The following NR2C1 variants were observed in gnomAD, a reference collection of about 807,000 sequenced individuals.
NR2C1 encodes TR2 nuclear hormone receptor.
NR2C1 carries 33 observed loss-of-function variants against 74.8 expected under a neutral mutation model. The ratio of observed to expected loss-of-function variants is 0.44; its 90% CI spans 0.33 to 0.59. NR2C1 has a LOEUF of 0.59. NR2C1 is among the 20% of genes least tolerant of loss of function. NR2C1 has a pLI of 0.02. For missense variants in NR2C1, 568 were observed against 715.6 expected, an observed-to-expected ratio of 0.79 and a Z score of 2.35; for synonymous variants, 225 against 240.6, an observed-to-expected ratio of 0.94 and a Z score of 0.60.
chr12:95,049,306 G>A, intron 8 of NR2C1, 73 bp from the exon 9 acceptor site: 1 of 1,462,264 alleles, frequency 6.8e-7, no homozygotes, highest in Non-Finnish European at 9.3e-7. Flanking sequence ...ATAGGATTCT[G>A]GAATTAAGAT....
At chr12:95,073,339 C>T (rs1243817582) in intron 1 of NR2C1, 41 bp downstream of exon 1, 1 of 152,286 alleles carries the variant, frequency 6.6e-6, no homozygotes, top group Non-Finnish European at 1.5e-5. Flanking sequence ...TGGCCCCCGC[C>T]CCCGACGCGG....
intron 2 of NR2C1, among the ~76,000 whole-genome samples, chr12:95,066,679 T>C (rs1392592250): frequency 1.3e-5 from 2 of 152,160 alleles, no homozygotes; most frequent in Non-Finnish European, 2.9e-5. Flanking sequence ...CATTATACAC[T>C]GGTCATCCGG....
chr12:95,038,096 G>A (rs1052995183), intron 10 of NR2C1, among the ~76,000 whole-genome samples: 1 of 152,100 alleles, frequency 6.6e-6, no homozygotes, highest in Non-Finnish European at 1.5e-5. Flanking sequence ...GCTAGATCAA[G>A]TTATTCTAAT....
intron 12 of NR2C1, chr12:95,028,173 C>G (rs1344427129): frequency 6.6e-6 from 3 of 454,712 alleles, no homozygotes; most frequent in African/African-American, 2.0e-5. Context: ...TATACACATT[C>G]TTGCATAGAT....
intron 13 of NR2C1, among the ~76,000 whole-genome samples, chr12:95,024,557 G>A (rs1869127726): frequency 6.6e-6 from 1 of 152,100 alleles, no homozygotes; most frequent in Non-Finnish European, 1.5e-5. Context: ...CATAAACCAT[G>A]TTTCAAAATT....
chr12:95,023,665 T>C (rs1445296871), intron 13 of NR2C1, among the ~76,000 whole-genome samples: 1 of 152,252 alleles, frequency 6.6e-6, no homozygotes, highest in Non-Finnish European at 1.5e-5. Context: ...TGCCAATTTC[T>C]GTGCCAGGTA....
At chr12:95,034,520 T>C (rs188162342) in intron 10 of NR2C1, among the ~76,000 whole-genome samples, 32 of 152,332 alleles carry the variant, frequency 2.1e-4, no homozygotes, top group Admixed American at 1.8e-3. Context: ...AGAGAACAGT[T>C]TGGTAGTACC....
intron 9 of NR2C1, among the ~76,000 whole-genome samples, chr12:95,045,482 A>G (rs1024863521): frequency 2.6e-5 from 4 of 152,184 alleles, no homozygotes; most frequent in African/African-American, 4.8e-5. Flanking sequence ...CAAATCAAGA[A>G]AGGAATTTTA....
Position 95,058,413 on chromosome 12 carries a change from A to C in NR2C1, c.441T>G (p.Tyr147Ter). 1 of 1,613,726 alleles carries C rather than the reference A, an allele frequency of 6.2e-7. No homozygotes were observed. The highest frequency in any genetic ancestry group is 8.5e-7 in the Non-Finnish European group (1 of 1,179,864). Residue 147 changes from tyrosine (Y) to a stop codon, truncating the protein, a stop_gained, in exon 5 of 14, where the codon TAT becomes TAG. Transcript: ENST00000333003. LOFTEE classifies it high-confidence loss of function. ...FKRSIRKNLV[Y>*]SCRGSKDCII... ...TACAATCCTTTGATCCTCGACATGA[A>C]TATACTAAATTTTTTCGGATGCTTC...
rs570185714 is a variant in NR2C1 at position 95,072,455 on chromosome 12, C to CAAAAA, written c.-8+920_-8+924dup. Among the ~76,000 whole-genome samples, 139 of 60,142 alleles carry CAAAAA rather than the reference C, an allele frequency of 2.3e-3. 1 individual carries two copies. The highest frequency in any genetic ancestry group is 7.5e-3 in the East Asian group (14 of 1,878). The allele number at this position is 60,142 out of a possible 152,430, so 39.5% of individuals were successfully genotyped here. A position where few individuals can be genotyped will look rare whatever the true frequency, so the allele number is the denominator to read the frequency against. ...CGACAGTGAGACTCCCTCTCCCTCT[C>CAAAAA]AAAAAAAAAAAAAAAAAAAGAAAAA... On this transcript the variant is annotated intron_variant, in intron 1 of 13. Transcript: ENST00000333003.
chr12:95,057,995 C>G, intron 5 of NR2C1, 117 bp from the exon 6 acceptor site: 1 of 877,922 alleles, frequency 1.1e-6, no homozygotes, highest in East Asian at 2.4e-5. Flanking sequence ...TACTAAACTC[C>G]AAAGATAACC....
rs146844291 is a variant in NR2C1 at position 95,051,888 on chromosome 12, G to A, written c.839C>T (p.Ala280Val). 29 of 1,610,734 alleles carry A rather than the reference G, an allele frequency of 1.8e-5. No individual in the cohort carries two copies. In the Admixed American group the frequency reaches 2.9e-4, roughly 16 times the overall value. The change falls in exon 8 of 14, where the codon GCG (alanine) becomes GTG (valine). Residue 280 changes from alanine to valine, a missense_variant. This residue lies in a region of NR2C1 where 239 missense variants were observed against 232.3 expected (regional missense o/e 1.03). Transcript: ENST00000333003. The part of the protein sequence containing the change: ...STLANVVTSL[A>V]NLGKTKDLSQ... ...AAGATCTTTAGTTTTTCCAAGATTC[G>A]CTAATGATGTAACCACATTGGCCAA...
intron 9 of NR2C1, among the ~76,000 whole-genome samples, chr12:95,042,219 CTTT>C (rs1212588554): frequency 5.6e-5 from 7 of 125,836 alleles, no homozygotes; most frequent in Admixed American, 1.6e-4. Context: ...TCAAAGGTAT[CTTT>C]TTTTTTTTTT....
chr12:95,052,095 T>G, intron 7 of NR2C1, 152 bp from the exon 8 acceptor site: 2 of 507,788 alleles, frequency 3.9e-6, no homozygotes, highest in African/African-American at 2.0e-5. Flanking sequence ...AGAAATTTAC[T>G]GAGGAAAATA....
In NR2C1 at chr12:95,031,467, C is replaced by A; in HGVS notation, c.1275G>T (p.Leu425=). 6.3e-7 allele frequency: 1 copy of A among 1,597,534 alleles called. No homozygotes were observed. The highest frequency in any genetic ancestry group is 8.5e-7 in the Non-Finnish European group (1 of 1,174,016). The change falls in exon 11 of 14, where the codon CTG becomes CTT. Residue 425 remains leucine (L), a synonymous_variant. Coordinates refer to ENST00000333003, the MANE Select transcript of NR2C1 (RefSeq NM_003297.4). ...QALGQENSIS[L]VKAYWNELFT... ...AAAGTTCATTCCAGTAAGCTTTCAC[C>A]AGTGATATGCTGTTTTCTTGCCTAT...
At position 95,058,458 on chromosome 12, in the gene NR2C1, G is replaced by A; in HGVS notation, c.396C>T (p.Gly132=). ...TGCTTCTTTTAAAAAATCCTTTGCA[G>A]CCTTCACAAGTTACTGCTCCATAAT... ...GRHYGAVTCE[G]CKGFFKRSIR... Residue 132 remains glycine, a synonymous_variant, in exon 5 of 14, where the codon GGC becomes GGT. Coordinates refer to ENST00000333003, the MANE Select transcript of NR2C1 (RefSeq NM_003297.4). 6.2e-7 allele frequency: 1 copy of A among 1,612,978 alleles called. No individual in the cohort carries two copies. Among genetic ancestry groups the A allele is most frequent in the South Asian group, 1.1e-5 (1 of 91,026 alleles).
intron 1 of NR2C1, among the ~76,000 whole-genome samples, chr12:95,069,387 A>T (rs772557447): frequency 6.6e-6 from 1 of 152,232 alleles, no homozygotes. Flanking sequence ...GTTTACACCC[A>T]TAACACTGTA....
At chr12:95,055,094 T>A (rs565438550) in intron 7 of NR2C1, among the ~76,000 whole-genome samples, 1 of 152,262 alleles carries the variant, frequency 6.6e-6, no homozygotes, top group Admixed American at 6.5e-5. Context: ...ATCAACAGGA[T>A]CCCAAGGCAG....
chr12:95,040,677 G>GT (rs1565846690), intron 9 of NR2C1, 80 bp from the exon 10 acceptor site: 4 of 1,325,402 alleles, frequency 3.0e-6, no homozygotes, highest in Admixed American at 2.2e-5. Flanking sequence ...AAGTTTAAAC[G>GT]TAACACATCA....
Sources: allele counts gnomAD v4.1 joint callset (sites outside exome capture counted in the v4.1 genomes callset), GRCh38; gene constraint gnomAD v4.1.1; regional missense constraint gnomAD v4.1.1; transcripts MANE v1.5; gene names NCBI Gene and HGNC (gene_info 2026-07-23, HGNC 2026-07-21).